FARP1: variants seen among roughly 807,000 people sequenced by gnomAD.
FARP1 encodes FERM, ARH/RhoGEF and pleckstrin domain protein 1, also known as FERM, ARHGEF and pleckstrin domain-containing protein 1.
FARP1 carries 52 observed loss-of-function variants against 128.8 expected under a neutral mutation model. The observed-to-expected ratio is 0.40, with a 90% CI of 0.32 to 0.51. FARP1 has a LOEUF of 0.51. FARP1 is among the 20% of genes least tolerant of loss of function. The pLI is 0.45. For missense variants in FARP1, 1,333 were observed against 1,367.9 expected (o/e 0.97, Z 0.40); for synonymous variants, 580 against 551.8 (o/e 1.05, Z -0.72).
chr13:98,224,782 GAC>G (rs1214506777), intron 2 of FARP1, among the ~76,000 whole-genome samples: 1 of 152,052 alleles, frequency 6.6e-6, no homozygotes, highest in Non-Finnish European at 1.5e-5. Context: ...GGTTGGAGGC[GAC>G]CATGACTTCT....
At chr13:98,170,757 G>A (rs1287432071) in intron 1 of FARP1, among the ~76,000 whole-genome samples, 1 of 152,138 alleles carries the variant, frequency 6.6e-6, no homozygotes, top group Non-Finnish European at 1.5e-5. Flanking sequence ...CTCCCAAAGT[G>A]CTGGAATTAC....
rs570754502 is a variant in FARP1 at position 98,242,585 on chromosome 13, G to A, written c.171+29172G>A. On this transcript the variant is annotated intron_variant, in intron 2 of 26. Transcript: ENST00000319562. Reference sequence around the variant, plus strand: ...TCCCAGCTGCTTAGGAGGCTGAGATGGGAGGATTGCTTGAGCCAAGGAGGT... The same window carrying A: ...TCCCAGCTGCTTAGGAGGCTGAGATAGGAGGATTGCTTGAGCCAAGGAGGT... Among the ~76,000 whole-genome samples, 11 of 152,278 alleles carry A rather than the reference G, an allele frequency of 7.2e-5. No individual in the cohort carries two copies. The South Asian group carries it at 2.3e-3, about 32-fold the overall frequency.
intron 2 of FARP1, among the ~76,000 whole-genome samples, chr13:98,296,255 C>T (rs1018504632): frequency 2.6e-5 from 4 of 152,188 alleles, no homozygotes; most frequent in Admixed American, 2.6e-4. Context: ...TCGTCACCTT[C>T]TCCAGCCTCA....
chr13:98,417,676 G>A (rs960191859), intron 16 of FARP1, among the ~76,000 whole-genome samples: 2 of 152,084 alleles, frequency 1.3e-5, no homozygotes, highest in African/African-American at 4.8e-5. Context: ...CAGAGAGGGG[G>A]CTCTTTCAGG....
At chr13:98,370,560 T>G in intron 5 of FARP1, among the ~76,000 whole-genome samples, 1 of 129,830 alleles carries the variant, frequency 7.7e-6, no homozygotes, top group East Asian at 2.9e-4. Context: ...CACTTAGATT[T>G]TTGGCTTGAG....
intron 1 of FARP1, chr13:98,175,949 C>T (rs961821010): frequency 1.6e-5 from 9 of 567,624 alleles, no homozygotes; most frequent in Admixed American, 1.4e-4. Flanking sequence ...TTTGTTTGTC[C>T]ATTCATCCAT....
chr13:98,384,042 G>A (rs544261853), intron 6 of FARP1: 1 of 152,262 alleles, frequency 6.6e-6, no homozygotes, highest in East Asian at 1.9e-4. Flanking sequence ...TGTTTATAAA[G>A]TCCTGAAGTT....
At chr13:98,247,038 C>G (rs1037563566) in intron 2 of FARP1, among the ~76,000 whole-genome samples, 3 of 152,218 alleles carry the variant, frequency 2.0e-5, no homozygotes, top group Non-Finnish European at 4.4e-5. Context: ...CCCAGCCTGG[C>G]CAACATGGTG....
chr13:98,386,227 A>T (rs1295943010), intron 8 of FARP1, among the ~76,000 whole-genome samples: 1 of 125,084 alleles, frequency 8.0e-6, no homozygotes, highest in Non-Finnish European at 1.6e-5. Context: ...GTTTGGCTTG[A>T]GCCAGCTTAT....
intron 2 of FARP1, among the ~76,000 whole-genome samples, chr13:98,228,794 G>T (rs1028773057): frequency 6.6e-6 from 1 of 152,014 alleles, no homozygotes; most frequent in African/African-American, 2.4e-5. Context: ...TGATTTGCTT[G>T]GTTTCTAGGC....
At chr13:98,166,722 TTC>T (rs1285854961) in intron 1 of FARP1, among the ~76,000 whole-genome samples, 2 of 136,442 alleles carry the variant, frequency 1.5e-5, no homozygotes, top group Non-Finnish European at 3.0e-5. Flanking sequence ...CAGTTTTTCT[TTC>T]TTTTTTTTTT....
At chr13:98,165,163 C>T (rs1161129347) in intron 1 of FARP1, among the ~76,000 whole-genome samples, 2 of 130,964 alleles carry the variant, frequency 1.5e-5, no homozygotes, top group East Asian at 2.3e-4. Flanking sequence ...TGCAGTGAGC[C>T]GAGATTGAGC....
chr13:98,427,752 C>G (rs1487409548), intron 17 of FARP1, among the ~76,000 whole-genome samples: 1 of 152,066 alleles, frequency 6.6e-6, no homozygotes, highest in African/African-American at 2.4e-5. Context: ...GCTGGCATTT[C>G]TGCATTCAGC....
At chr13:98,352,087 A>G (rs1043507340) in intron 3 of FARP1, among the ~76,000 whole-genome samples, 5 of 152,190 alleles carry the variant, frequency 3.3e-5, no homozygotes, top group African/African-American at 1.2e-4. Flanking sequence ...AAGGCCGTAC[A>G]TAAAGACAGC....
intron 2 of FARP1, among the ~76,000 whole-genome samples, chr13:98,261,499 T>G (rs2139539127): frequency 6.6e-6 from 1 of 151,680 alleles, no homozygotes; most frequent in Non-Finnish European, 1.5e-5. Flanking sequence ...CAGCTCCCAC[T>G]GGTATGCATG....
intron 1 of FARP1, among the ~76,000 whole-genome samples, chr13:98,148,437 C>T (rs1875735912): frequency 2.0e-5 from 3 of 152,122 alleles, no homozygotes; most frequent in South Asian, 4.1e-4. Flanking sequence ...TGAAATCCTG[C>T]CACCTGTTAC....
At position 98,176,973 on chromosome 13, in the gene FARP1, C is replaced by G. The variant is rs1594233867; in HGVS notation, c.-24+33481C>G. On this transcript the variant is annotated intron_variant, in intron 1 of 26. Coordinates refer to ENST00000319562, the MANE Select transcript of FARP1 (RefSeq NM_005766.4). This position sits in a 1 kb window ranked among gnomAD's most constrained non-coding sequence, Gnocchi z 6.2. Reference sequence around the variant, plus strand: ...TGGACCTGTACACCACGTCGAGGCTCTCAGGCGCCGCCTCCTCGCCCCTCC... The same window carrying G: ...TGGACCTGTACACCACGTCGAGGCTGTCAGGCGCCGCCTCCTCGCCCCTCC... The G allele has an allele frequency of 6.2e-7, 1 of 1,600,340 alleles. No homozygotes were observed.
chr13:98,295,307 C>T (rs1885637224), intron 2 of FARP1, among the ~76,000 whole-genome samples: 1 of 152,044 alleles, frequency 6.6e-6, no homozygotes, highest in Non-Finnish European at 1.5e-5. Context: ...TTAGAGGAGT[C>T]ATGGCAGCAG....
intron 2 of FARP1, among the ~76,000 whole-genome samples, chr13:98,310,081 T>TTTG (rs10700702): frequency 2.9e-4 from 1 of 3,496 alleles, no homozygotes; most frequent in Non-Finnish European, 4.3e-4. Context: ...AGATTACATG[T>TTTG]TTTTTTTTTT....
Sources: gnomAD v4.1 joint callset for allele counts (sites outside exome capture counted in the v4.1 genomes callset) on GRCh38, gnomAD v4.1.1 for gene constraint, Gnocchi (gnomAD v3.1) non-coding constraint, MANE v1.5 for transcripts, NCBI Gene and HGNC (gene_info 2026-07-23, HGNC 2026-07-21) for gene names.